SUGCT: variants seen among roughly 807,000 people sequenced by gnomAD.
The protein encoded by SUGCT is succinyl-CoA:glutarate-CoA transferase, also known as succinyl-CoA:glutarate CoA-transferase.
SUGCT carries 41 observed loss-of-function variants against 55.0 expected under a neutral mutation model. The observed-to-expected ratio is 0.74, with a 90% confidence interval of 0.58 to 0.97. The LOEUF (loss-of-function observed/expected upper bound fraction) is 0.97, where lower values mean the gene tolerates loss of function less well. SUGCT is among the 50% of genes least tolerant of loss of function. The pLI, the probability that SUGCT is intolerant of heterozygous loss-of-function variation, is 0.00. For synonymous variants in SUGCT, 187 were observed against 200.4 expected (o/e 0.93, Z 0.56); for missense variants, 568 against 547.8 (o/e 1.04, Z -0.37).
intron 12 of SUGCT, among the ~76,000 whole-genome samples, chr7:40,681,728 A>T (rs1204641172): frequency 6.6e-6 from 1 of 152,194 alleles, no homozygotes; most frequent in Non-Finnish European, 1.5e-5. Flanking sequence ...CTCTTGAAGT[A>T]GGGGACCCAC....
intron 12 of SUGCT, among the ~76,000 whole-genome samples, chr7:40,575,717 G>A (rs1458114170): frequency 7.9e-5 from 12 of 151,918 alleles, no homozygotes; most frequent in South Asian, 4.2e-4. Flanking sequence ...AGGCTGAGGC[G>A]GGTGAATCAC....
chr7:40,591,151 A>T (rs1320622484), intron 12 of SUGCT, among the ~76,000 whole-genome samples: 10 of 152,190 alleles, frequency 6.6e-5, no homozygotes, highest in Non-Finnish European at 1.2e-4. Flanking sequence ...AGGATTCACC[A>T]TTCTATATGC....
intron 13 of SUGCT, among the ~76,000 whole-genome samples, chr7:40,761,940 C>T (rs145556368): frequency 6.6e-6 from 1 of 152,146 alleles, no homozygotes; most frequent in Non-Finnish European, 1.5e-5. Context: ...GCTATGACAG[C>T]GGAATACCCA....
chr7:40,296,548 T>G (rs1230532718), intron 8 of SUGCT, among the ~76,000 whole-genome samples: 1 of 152,152 alleles, frequency 6.6e-6, no homozygotes, highest in Non-Finnish European at 1.5e-5. Context: ...AATGCAATTT[T>G]TTTTTCCCTT....
chr7:40,183,161 T>C (rs1785313423), intron 3 of SUGCT, among the ~76,000 whole-genome samples: 1 of 152,108 alleles, frequency 6.6e-6, no homozygotes, highest in African/African-American at 2.4e-5. Context: ...TGGTTCCAGC[T>C]ACTTGGGAGG....
In SUGCT at chr7:40,439,061, G is replaced by GGTGT. The variant is rs1554338573; in HGVS notation, c.817-10225_817-10222dup. 1.3e-4 allele frequency among the ~76,000 whole-genome samples: 7 copies of GGTGT among 51,868 alleles called. 1 individual carries two copies. The highest frequency in any genetic ancestry group is 2.1e-3 in the South Asian group (2 of 940). The allele number at this position is 51,868 out of a possible 152,430, so 34.0% of individuals were successfully genotyped here. A position where few individuals can be genotyped will look rare whatever the true frequency, so the allele number is the denominator to read the frequency against. On this transcript the variant is annotated intron_variant, in intron 9 of 13. Transcript: ENST00000335693. ...GTATATATATATATGGTATATATAT[G>GGTGT]GTGTATATATATATATATATATATA...
chr7:40,380,385 C>G (rs1784812079), intron 9 of SUGCT, among the ~76,000 whole-genome samples: 1 of 152,094 alleles, frequency 6.6e-6, no homozygotes, highest in Admixed American at 6.5e-5. Flanking sequence ...TTGTTATTGA[C>G]TATTTTTGCC....
At chr7:40,964,112 A>G in the SUGCT span, among the ~76,000 whole-genome samples, 1 of 152,232 alleles carries the variant, frequency 6.6e-6, no homozygotes, top group Non-Finnish European at 1.5e-5. Flanking sequence ...AAAATGTCCT[A>G]TCAATCCTTG....
At chr7:40,294,520 C>T (rs1452179232) in intron 8 of SUGCT, among the ~76,000 whole-genome samples, 1 of 152,124 alleles carries the variant, frequency 6.6e-6, no homozygotes, top group African/African-American at 2.4e-5. Flanking sequence ...ATCATATTCA[C>T]TTCCCATAGA....
the SUGCT span, among the ~76,000 whole-genome samples, chr7:40,938,593 C>A: frequency 6.6e-6 from 1 of 151,564 alleles, no homozygotes; most frequent in East Asian, 1.9e-4. Context: ...TTTTAGTGCA[C>A]CCATCACTCA....
At chr7:40,814,852 ATTTTTC>A (rs1791591686) in intron 13 of SUGCT, among the ~76,000 whole-genome samples, 1 of 151,414 alleles carries the variant, frequency 6.6e-6, no homozygotes, top group African/African-American at 2.4e-5. Context: ...TGTGGGTAGG[ATTTTTC>A]TTTTTCTTTC....
At chr7:40,208,373 G>T (rs939403012) in intron 6 of SUGCT, among the ~76,000 whole-genome samples, 1 of 151,930 alleles carries the variant, frequency 6.6e-6, no homozygotes, top group Non-Finnish European at 1.5e-5. Flanking sequence ...ATTTTAAAAA[G>T]TAGAGAAAAA....
At chr7:40,939,206 T>C in the SUGCT span, among the ~76,000 whole-genome samples, 1 of 152,128 alleles carries the variant, frequency 6.6e-6, no homozygotes, top group Admixed American at 6.6e-5. Context: ...AAAGACAGAA[T>C]GAGGAAGATG....
intron 6 of SUGCT, among the ~76,000 whole-genome samples, chr7:40,210,794 G>A (rs1272968841): frequency 2.0e-5 from 3 of 152,078 alleles, no homozygotes; most frequent in African/African-American, 7.2e-5. Context: ...GTGCTTTGGC[G>A]GGAGTCAGGG....
chr7:40,279,948 T>C (rs1792842953), intron 8 of SUGCT, among the ~76,000 whole-genome samples: 1 of 152,190 alleles, frequency 6.6e-6, no homozygotes, highest in Non-Finnish European at 1.5e-5. Flanking sequence ...TACAATTTCA[T>C]GCAGTAGTAA....
At position 40,680,211 on chromosome 7, in the gene SUGCT, A is replaced by G. The variant is rs574905667; in HGVS notation, c.1090-69223A>G. Among the ~76,000 whole-genome samples, 25 of 152,304 alleles carry G rather than the reference A, an allele frequency of 1.6e-4. No individual in the cohort carries two copies. The East Asian group carries it at 4.8e-3, about 29-fold the overall frequency. On this transcript the variant is annotated intron_variant, in intron 12 of 13. Coordinates refer to ENST00000335693, the MANE Select transcript of SUGCT (RefSeq NM_001193313.2). ...CTTGTTTTTAACTTTTTGGTTTGGTAATAGATGGATTTCTTTTAAAAAATC... is the reference window on the plus strand; with the variant it reads ...CTTGTTTTTAACTTTTTGGTTTGGTGATAGATGGATTTCTTTTAAAAAATC...
chr7:40,135,334 C>T (rs1349367699), intron 1 of SUGCT, among the ~76,000 whole-genome samples: 2 of 152,220 alleles, frequency 1.3e-5, no homozygotes, highest in African/African-American at 2.4e-5. Context: ...GTTGTTGTGA[C>T]CGAGGGCTCC....
the SUGCT span, among the ~76,000 whole-genome samples, chr7:41,031,737 ACTCAT>A: frequency 1.3e-5 from 2 of 151,726 alleles, no homozygotes; most frequent in East Asian, 3.9e-4. Context: ...TGACCCACCC[ACTCAT>A]CTCTATTACC....
At position 40,828,890 on chromosome 7, in the gene SUGCT, A is replaced by G. The variant is rs557723927; in HGVS notation, c.1154-31426A>G. 3.9e-5 allele frequency among the ~76,000 whole-genome samples: 6 copies of G among 152,314 alleles called. No homozygotes were observed. In the East Asian group the frequency reaches 1.2e-3, roughly 29 times the overall value. On this transcript the variant is annotated intron_variant, in intron 13 of 13. Coordinates refer to ENST00000335693, the MANE Select transcript of SUGCT (RefSeq NM_001193313.2). ...AGGAAAAAGAAGCGGTTTGGACCGC[A>G]TGACTTTAGCGGTTTGGGGGCATGA...
Sources: allele counts gnomAD v4.1 joint callset (sites outside exome capture counted in the v4.1 genomes callset), GRCh38; gene constraint gnomAD v4.1.1; transcripts MANE v1.5; gene names NCBI Gene and HGNC (gene_info 2026-07-23, HGNC 2026-07-21).